The following ATP6V0D1 variants were observed in gnomAD, a reference collection of about 807,000 sequenced individuals.
ATP6V0D1 encodes V-type proton ATPase subunit d 1.
Under a neutral mutation model 39.0 loss-of-function variants are expected in ATP6V0D1, and 13 were observed. That is an observed-to-expected ratio of 0.33 (90% CI 0.22 to 0.53). ATP6V0D1 has a LOEUF of 0.53. Among genes scored for constraint, ATP6V0D1 ranks in the 20% least tolerant of loss-of-function variants. The pLI is 0.94. For missense variants in ATP6V0D1, 272 were observed against 470.9 expected (o/e 0.58, Z 3.91); for synonymous variants, 191 against 191.2 (o/e 1.00, Z 0.01).
At chr16:67,466,275 G>T (rs1238986903) in intron 1 of ATP6V0D1, among the ~76,000 whole-genome samples, 1 of 151,212 alleles carries the variant, frequency 6.6e-6, no homozygotes, top group Non-Finnish European at 1.5e-5. Context: ...GCGGTCGAGG[G>T]CTCGAGACCA....
In ATP6V0D1 at chr16:67,453,763, C is replaced by CT; in HGVS notation, c.131-49_131-48insA. ...AAGGGCTAGCCTTGCTGGGCCTCCC[C>CT]AAGGGTCCCAAGTCCCCATCCCCAC... On this transcript the variant is annotated intron_variant, in intron 1 of 7. Transcript: ENST00000290949. This position sits in a 1 kb window ranked among gnomAD's most constrained non-coding sequence, Gnocchi z 4.1. 6.3e-7 allele frequency: 1 copy of CT among 1,584,582 alleles called. No homozygotes were observed. Among genetic ancestry groups the CT allele is most frequent in the Non-Finnish European group, 8.6e-7 (1 of 1,161,888 alleles).
intron 1 of ATP6V0D1, among the ~76,000 whole-genome samples, chr16:67,479,167 G>A (rs2041441745): frequency 6.6e-6 from 1 of 151,766 alleles, no homozygotes; most frequent in Admixed American, 6.6e-5. Context: ...AACTTTTCTT[G>A]CAGATGTACG....
chr16:67,466,754 G>A (rs2041333994), intron 1 of ATP6V0D1, among the ~76,000 whole-genome samples: 1 of 152,042 alleles, frequency 6.6e-6, no homozygotes, highest in Admixed American at 6.6e-5. Flanking sequence ...CCATGATGGA[G>A]CCACTGCACT....
At chr16:67,457,098 G>C (rs2041244984) in intron 1 of ATP6V0D1, 1 of 154,130 alleles carries the variant, frequency 6.5e-6, no homozygotes, top group African/African-American at 2.4e-5. Context: ...CCAACACCTG[G>C]GACTGGCCAG....
rs2041206398 is a variant in ATP6V0D1, at chr16:67,453,630, G to A, written c.216C>T (p.Asp72=). 1.2e-6 allele frequency: 2 copies of A among 1,614,042 alleles called. No individual in the cohort carries two copies. Among genetic ancestry groups the A allele is most frequent in the African/African-American group, 1.3e-5 (1 of 74,908 alleles). ...ASPLTVSVID[D]RLKEKMVVEF... is the part of the protein sequence containing the mutation. ...CCACCACCATCTTCTCCTTGAGCCG[G>A]TCATCGATGACTGACACCGTCAGAG... Residue 72 remains aspartate, a synonymous_variant, in exon 2 of 8, where the codon GAC becomes GAT. Transcript: ENST00000290949. The surrounding 1 kb of genome is among the most constrained non-coding windows in gnomAD (Gnocchi z 4.1).
intron 1 of ATP6V0D1, among the ~76,000 whole-genome samples, chr16:67,478,882 G>C (rs916710139): frequency 2.0e-4 from 30 of 152,174 alleles, no homozygotes; most frequent in Non-Finnish European, 3.1e-4. Context: ...CAGCAGGAGT[G>C]AGGAAAGTCA....
chr16:67,458,492 G>A (rs1488578598), intron 1 of ATP6V0D1, among the ~76,000 whole-genome samples: 1 of 152,158 alleles, frequency 6.6e-6, no homozygotes, highest in African/African-American at 2.4e-5. Flanking sequence ...TGGCCACTGA[G>A]AGGCCCAGAC....
chr16:67,480,881 C>T, intron 1 of ATP6V0D1, 76 bp downstream of exon 1: 1 of 1,562,976 alleles, frequency 6.4e-7, no homozygotes, highest in South Asian at 1.2e-5. Flanking sequence ...CCCCCCCTTC[C>T]GGCTTCCCGG....
rs181165206 is a variant in ATP6V0D1 at position 67,449,192 on chromosome 16, G to C, written c.302+4352C>G. 2.2e-3 allele frequency among the ~76,000 whole-genome samples: 334 copies of C among 152,370 alleles called. 2 individuals are homozygous for C. Among genetic ancestry groups the C allele is most frequent in the African/African-American group, 7.7e-3 (319 of 41,596 alleles). On this transcript the variant is annotated intron_variant, in intron 2 of 7. Coordinates refer to ENST00000290949, the MANE Select transcript of ATP6V0D1 (RefSeq NM_004691.5). ...GAAATATGGGCCCTCAGATCCCCCAGGTGGTGCAGGTTACCCATGCCCAGG... is the reference window on the plus strand; with the variant it reads ...GAAATATGGGCCCTCAGATCCCCCACGTGGTGCAGGTTACCCATGCCCAGG...
At chr16:67,451,928 T>C (rs2041185162) in intron 2 of ATP6V0D1, among the ~76,000 whole-genome samples, 1 of 152,088 alleles carries the variant, frequency 6.6e-6, no homozygotes, top group South Asian at 2.1e-4. Context: ...CAGTGGGCAG[T>C]GGGGTGGGTG....
chr16:67,447,273 T>C lies in ATP6V0D1; in HGVS notation c.303-2567A>G, dbSNP rs903932453. ...CCTTGCCGGGCTGGCTATAAGCTTGTTGCTGCTGCAGCCCTGCTTTTCTCT... is the reference window on the plus strand; with the variant it reads ...CCTTGCCGGGCTGGCTATAAGCTTGCTGCTGCTGCAGCCCTGCTTTTCTCT... On this transcript the variant is annotated intron_variant, in intron 2 of 7. Transcript: ENST00000290949. This position sits in a 1 kb window ranked among gnomAD's most constrained non-coding sequence, Gnocchi z 4.1. Among the ~76,000 whole-genome samples, 2 of 152,228 alleles carry C rather than the reference T, an allele frequency of 1.3e-5. No homozygotes were observed. Among genetic ancestry groups the C allele is most frequent in the African/African-American group, 4.8e-5 (2 of 41,462 alleles).
chr16:67,455,653 G>T (rs1446503416), intron 1 of ATP6V0D1: 1 of 152,238 alleles, frequency 6.6e-6, no homozygotes, highest in Non-Finnish European at 1.5e-5. Context: ...CCCCTGTTCT[G>T]CTCTGTGGAC....
chr16:67,469,030 C>T (rs368214619), intron 1 of ATP6V0D1, among the ~76,000 whole-genome samples: 1 of 152,134 alleles, frequency 6.6e-6, no homozygotes, highest in South Asian at 2.1e-4. Flanking sequence ...GGGCTAAAGG[C>T]CAGGCGCGGT....
chr16:67,454,380 C>T (rs1019351443), intron 1 of ATP6V0D1, among the ~76,000 whole-genome samples: 1 of 151,996 alleles, frequency 6.6e-6, no homozygotes, highest in African/African-American at 2.4e-5. Context: ...TCAGAGTGGC[C>T]GGAGACAGGC....
intron 1 of ATP6V0D1, among the ~76,000 whole-genome samples, chr16:67,478,022 A>G (rs932447537): frequency 1.3e-5 from 2 of 152,236 alleles, no homozygotes; most frequent in African/African-American, 4.8e-5. Flanking sequence ...GGGTACAGGT[A>G]CAAACAATAC....
intron 1 of ATP6V0D1, among the ~76,000 whole-genome samples, chr16:67,476,412 A>C (rs2041415350): frequency 1.3e-5 from 2 of 152,242 alleles, no homozygotes; most frequent in African/African-American, 4.8e-5. Flanking sequence ...ATACTAAACA[A>C]ATCTTGGTTG....
At chr16:67,442,054 T>C (rs1353543867) in intron 4 of ATP6V0D1, among the ~76,000 whole-genome samples, 1 of 152,278 alleles carries the variant, frequency 6.6e-6, no homozygotes, top group African/African-American at 2.4e-5. Flanking sequence ...CACAGCAAAC[T>C]GCCTGCCACT....
intron 4 of ATP6V0D1, chr16:67,439,911 C>T (rs9937495): frequency 0.074 from 11,576 of 156,168 alleles, 1,458 homozygotes; most frequent in African/African-American, 0.26. Flanking sequence ...CCCAGCTACT[C>T]GGGAGACTGA....
Position 67,443,359 on chromosome 16 carries a change from C to T in ATP6V0D1, c.482-181G>A. ...GAAGCAATGCTCTGGGCCATGTACA[C>T]TGACCTGAGCTTCTCCTGCCTCCTT... On this transcript the variant is annotated intron_variant, in intron 3 of 7. Coordinates refer to ENST00000290949, the MANE Select transcript of ATP6V0D1 (RefSeq NM_004691.5). 3 of 578,850 alleles carry T rather than the reference C, an allele frequency of 5.2e-6. No individual in the cohort carries two copies. The East Asian group carries it at 8.4e-5, about 16-fold the overall frequency. The allele number at this position is 578,850 out of a possible 1,614,324, so 35.9% of individuals were successfully genotyped here.
Sources: gnomAD v4.1 joint callset for allele counts (sites outside exome capture counted in the v4.1 genomes callset) on GRCh38, gnomAD v4.1.1 for gene constraint, Gnocchi (gnomAD v3.1) non-coding constraint, MANE v1.5 for transcripts, NCBI Gene and HGNC (gene_info 2026-07-23, HGNC 2026-07-21) for gene names.